The following TGM3 variants were observed in gnomAD, a reference collection of about 807,000 sequenced individuals.
The protein encoded by TGM3 is transglutaminase 3.
A neutral mutation model predicts 73.8 loss-of-function variants in TGM3; 52 were observed. The ratio of observed to expected loss-of-function variants is 0.70; its 90% CI spans 0.56 to 0.89. TGM3 has a LOEUF of 0.89. Ranked by LOEUF, TGM3 falls within the 40% of genes least tolerant of loss-of-function variation. The pLI, the probability that TGM3 is intolerant of heterozygous loss-of-function variation, is 0.00. For synonymous variants in TGM3, 372 were observed against 354.9 expected (o/e 1.05, Z -0.54); for missense variants, 928 against 909.9 (o/e 1.02, Z -0.26).
intron 5 of TGM3, among the ~76,000 whole-genome samples, chr20:2,313,506 T>A (rs747384926): frequency 6.6e-6 from 1 of 152,056 alleles, no homozygotes; most frequent in Non-Finnish European, 1.5e-5. Context: ...TCATTCATGG[T>A]CTAGATGGGG....
chr20:2,329,476 CAGAT>C (rs1248313894), intron 9 of TGM3, among the ~76,000 whole-genome samples: 1 of 152,146 alleles, frequency 6.6e-6, no homozygotes, highest in Non-Finnish European at 1.5e-5. Context: ...GGACTGAGCT[CAGAT>C]AGACCTTTGC....
intron 11 of TGM3, among the ~76,000 whole-genome samples, chr20:2,338,400 A>C (rs2084362915): frequency 6.6e-6 from 1 of 152,238 alleles, no homozygotes; most frequent in South Asian, 2.1e-4. Flanking sequence ...CACCATGAAA[A>C]ATGTGGCAAC....
chr20:2,319,045 C>A (rs1312673801), intron 7 of TGM3, among the ~76,000 whole-genome samples: 1 of 152,176 alleles, frequency 6.6e-6, no homozygotes, highest in Non-Finnish European at 1.5e-5. Flanking sequence ...ACATACACAA[C>A]TTTCTCTCTA....
intron 8 of TGM3, among the ~76,000 whole-genome samples, chr20:2,327,253 G>A (rs1172687427): frequency 1.3e-5 from 2 of 151,970 alleles, no homozygotes; most frequent in African/African-American, 2.4e-5. Context: ...GGTGGATCAC[G>A]AGGTCAGGAG....
chr20:2,335,382 G>A, intron 11 of TGM3, 109 bp downstream of exon 11: 1 of 1,387,996 alleles, frequency 7.2e-7, no homozygotes, highest in African/African-American at 1.4e-5. Flanking sequence ...GCAAAGGAGA[G>A]TTTTTTCTTG....
In TGM3 at chr20:2,310,292, G is replaced by A; in HGVS notation, c.296G>A (p.Ser99Asn). 6.2e-7 allele frequency: 1 copy of A among 1,614,224 alleles called. No homozygotes were observed. Among genetic ancestry groups the A allele is most frequent in the Non-Finnish European group, 8.5e-7 (1 of 1,180,026 alleles). ...QASNGNTLTI[S>N]ISSPASAPIG... ...AGCAATGGCAATACTCTGACTATCA[G>A]CATCTCCAGTCCTGCCAGCGCACCC... Residue 99 changes from serine (S) to asparagine (N), a missense_variant, in exon 3 of 13, where the codon AGC (serine) becomes AAC (asparagine). Transcript: ENST00000381458.
intron 11 of TGM3, among the ~76,000 whole-genome samples, chr20:2,338,356 A>G (rs2084362667): frequency 6.6e-6 from 1 of 152,184 alleles, no homozygotes; most frequent in Non-Finnish European, 1.5e-5. Flanking sequence ...CATTAAAAAA[A>G]GAAAAAAAAG....
intron 1 of TGM3, among the ~76,000 whole-genome samples, chr20:2,302,153 C>G (rs1369335977): frequency 6.6e-6 from 1 of 152,198 alleles, no homozygotes; most frequent in African/African-American, 2.4e-5. Context: ...TGTTGGGCCC[C>G]CTGTCAGCCC....
intron 11 of TGM3, among the ~76,000 whole-genome samples, chr20:2,337,170 G>A (rs775411893): frequency 1.7e-4 from 26 of 152,150 alleles, no homozygotes; most frequent in Non-Finnish European, 2.9e-4. Flanking sequence ...CCCCTTGCTC[G>A]GGGCATGACT....
intron 7 of TGM3, 117 bp downstream of exon 7, chr20:2,317,602 C>T: frequency 1.4e-6 from 2 of 1,410,568 alleles, no homozygotes; most frequent in South Asian, 2.5e-5. Context: ...AACATGTCAT[C>T]ACAGGGTGTA....
chr20:2,296,234 A>G (rs1600686534), intron 1 of TGM3, among the ~76,000 whole-genome samples, 164 bp downstream of exon 1: 1 of 152,136 alleles, frequency 6.6e-6, no homozygotes, highest in African/African-American at 2.4e-5. Flanking sequence ...GCTCTTTCTC[A>G]GTGGTGGTTG....
In TGM3 at chr20:2,332,003, C is replaced by A; in HGVS notation, c.1335C>A (p.Gly445=). Residue 445 remains glycine, a splice_region_variant and synonymous_variant, in exon 10 of 13, where the codon GGC becomes GGA. Transcript: ENST00000381458. The surrounding 1 kb of genome is among the most constrained non-coding windows in gnomAD (Gnocchi z 4.4). The part of the protein sequence containing the change: ...DVTDKYKYPE[G]SDQERQVFQK... The stretch of plus-strand genomic sequence containing the variant: ...TTTCTGTCTTTTCCCACCACACAGG[C>A]TCTGACCAGGAAAGACAAGTGTTCC... The A allele has an allele frequency of 6.3e-7, 1 of 1,598,230 alleles. No individual in the cohort carries two copies. The highest frequency in any genetic ancestry group is 1.1e-5 in the South Asian group (1 of 87,784).
intron 1 of TGM3, among the ~76,000 whole-genome samples, chr20:2,298,834 A>G (rs2122203238): frequency 6.6e-6 from 1 of 152,128 alleles, no homozygotes; most frequent in East Asian, 1.9e-4. Flanking sequence ...TGAAAAGGAG[A>G]TGGCCCCTCT....
chr20:2,337,446 C>T (rs182684166), intron 11 of TGM3, among the ~76,000 whole-genome samples: 553 of 152,220 alleles, frequency 3.6e-3, no homozygotes, highest in African/African-American at 0.012. Context: ...TGGCCAGGCG[C>T]GGTGGCTCAC....
chr20:2,326,146 C>T, intron 8 of TGM3, 194 bp downstream of exon 8: 1 of 619,898 alleles, frequency 1.6e-6, no homozygotes, highest in South Asian at 1.9e-5. Context: ...AGTGCCTGCC[C>T]TGCACCCACA....
rs978128338 is a variant in TGM3, at chr20:2,327,295, C to T, written c.1088-825C>T. 6.5e-4 allele frequency among the ~76,000 whole-genome samples: 99 copies of T among 151,506 alleles called. 1 individual carries two copies. Among genetic ancestry groups the T allele is most frequent in the African/African-American group, 2.4e-3 (97 of 40,982 alleles). On this transcript the variant is annotated intron_variant, in intron 8 of 12. Transcript: ENST00000381458. ...ACCATCCTGGCTAACATGGTGAAAC[C>T]CCGTCTCTACTAAAATTACAAAAAA...
intron 5 of TGM3, among the ~76,000 whole-genome samples, chr20:2,313,804 A>G (rs2084219706): frequency 6.6e-6 from 1 of 152,186 alleles, no homozygotes; most frequent in African/African-American, 2.4e-5. Context: ...GGAGGTGGGA[A>G]GATGGCTTGA....
intron 7 of TGM3, among the ~76,000 whole-genome samples, chr20:2,318,648 G>A (rs2084248034): frequency 6.6e-6 from 1 of 152,034 alleles, no homozygotes; most frequent in Non-Finnish European, 1.5e-5. Context: ...CATTTCAAAG[G>A]CTACACACAC....
rs565451524 is a variant in TGM3 at position 2,300,224 on chromosome 20, G to A, written c.7+4154G>A. Among the ~76,000 whole-genome samples, 145 of 99,068 alleles carry A rather than the reference G, an allele frequency of 1.5e-3. 1 individual carries two copies. The Admixed American group carries it at 0.016, about 11-fold the overall frequency. The allele number at this position is 99,068 out of a possible 152,430, so 65.0% of individuals were successfully genotyped here. A position where few individuals can be genotyped will look rare whatever the true frequency, so the allele number is the denominator to read the frequency against. On this transcript the variant is annotated intron_variant, in intron 1 of 12. Coordinates refer to ENST00000381458, the MANE Select transcript of TGM3 (RefSeq NM_003245.4). Reference sequence around the variant, plus strand: ...AAGAGAAAGAAAGAAAGAGAAGAAAGAAAGAAAGAAAAAAAGAAAGAAAGA... The same window carrying A: ...AAGAGAAAGAAAGAAAGAGAAGAAAAAAAGAAAGAAAAAAAGAAAGAAAGA...
Sources: allele counts gnomAD v4.1 joint callset (sites outside exome capture counted in the v4.1 genomes callset), GRCh38; gene constraint gnomAD v4.1.1; non-coding constraint Gnocchi (gnomAD v3.1); transcripts MANE v1.5; gene names NCBI Gene and HGNC (gene_info 2026-07-23, HGNC 2026-07-21).